Variants in NEK7 observed in about 807,000 individuals in gnomAD.
NEK7 encodes NIMA related kinase 7.
NEK7 carries 18 observed loss-of-function variants against 44.6 expected under a neutral mutation model. The observed-to-expected ratio is 0.40, with a 90% CI of 0.28 to 0.60. The LOEUF (loss-of-function observed/expected upper bound fraction) is 0.60, where lower values mean the gene tolerates loss of function less well. Among genes scored for constraint, NEK7 ranks in the 20% least tolerant of loss-of-function variants. The pLI, the probability that NEK7 is intolerant of heterozygous loss-of-function variation, is 0.38. For missense variants in NEK7, 256 were observed against 366.5 expected (o/e 0.70, Z 2.46); for synonymous variants, 130 against 121.1 (o/e 1.07, Z -0.48).
chr1:198,292,641 G>T (rs1330856585), intron 7 of NEK7, among the ~76,000 whole-genome samples: 1 of 151,860 alleles, frequency 6.6e-6, no homozygotes, highest in African/African-American at 2.4e-5. Flanking sequence ...AATCATTTAA[G>T]TAGGTATTCT....
intron 1 of NEK7, among the ~76,000 whole-genome samples, chr1:198,201,005 T>A (rs1665415999): frequency 6.6e-6 from 1 of 152,236 alleles, no homozygotes; most frequent in African/African-American, 2.4e-5. Flanking sequence ...CTGTGGAGAT[T>A]ATGTGTTTAT....
chr1:198,225,043 A>T (rs1448199816), intron 1 of NEK7, among the ~76,000 whole-genome samples: 1 of 152,016 alleles, frequency 6.6e-6, no homozygotes, highest in Non-Finnish European at 1.5e-5. Flanking sequence ...TAACAGTAGT[A>T]GTCAAGGTCA....
chr1:198,294,438 A>G (rs1479548364), intron 8 of NEK7, among the ~76,000 whole-genome samples: 1 of 152,040 alleles, frequency 6.6e-6, no homozygotes, highest in Non-Finnish European at 1.5e-5. Flanking sequence ...TTAACCTTAG[A>G]TTCCTTTAGG....
chr1:198,254,453 G>C (rs959684164), intron 3 of NEK7, among the ~76,000 whole-genome samples: 1 of 151,750 alleles, frequency 6.6e-6, no homozygotes, highest in Admixed American at 6.6e-5. Context: ...TGTATTACAC[G>C]CACACACACT....
chr1:198,273,397 A>G (rs1653915677), intron 5 of NEK7, among the ~76,000 whole-genome samples: 1 of 151,714 alleles, frequency 6.6e-6, no homozygotes, highest in Non-Finnish European at 1.5e-5. Context: ...TTGATACCTC[A>G]TTATGCCTTC....
At chr1:198,172,409 G>A (rs138864649) in intron 1 of NEK7, among the ~76,000 whole-genome samples, 5 of 152,298 alleles carry the variant, frequency 3.3e-5, no homozygotes, top group African/African-American at 1.2e-4. Context: ...AAAGAGCTCT[G>A]CTCTCTTCTT....
chr1:198,171,839 A>G (rs536489283), intron 1 of NEK7, among the ~76,000 whole-genome samples: 4 of 152,198 alleles, frequency 2.6e-5, no homozygotes, highest in South Asian at 2.1e-4. Context: ...TAACTCCCAC[A>G]TGCCGTAAGA....
intron 7 of NEK7, among the ~76,000 whole-genome samples, chr1:198,285,710 C>G (rs1464763689): frequency 6.6e-6 from 1 of 151,992 alleles, no homozygotes; most frequent in African/African-American, 2.4e-5. Context: ...AAATGTAATT[C>G]TCCTATTTGT....
At chr1:198,223,112 C>T (rs1378108029) in intron 1 of NEK7, among the ~76,000 whole-genome samples, 1 of 150,062 alleles carries the variant, frequency 6.7e-6, no homozygotes, top group African/African-American at 2.5e-5. Flanking sequence ...AGATTACTTA[C>T]AGAATTCTAC....
chr1:198,240,268 C>T lies in NEK7; in HGVS notation c.57+7631C>T, dbSNP rs140257292. 4.8e-3 allele frequency among the ~76,000 whole-genome samples: 728 copies of T among 152,164 alleles called. 8 individuals carry two copies. Among genetic ancestry groups the T allele is most frequent in the African/African-American group, 0.017 (700 of 41,516 alleles). On this transcript the variant is annotated intron_variant, in intron 2 of 9. Transcript: ENST00000367385. Reference sequence around the variant, plus strand: ...TAGATTCATCACACTTACATACTTACGAGTGAGAGTACCTCATATTTTAAG... The same window carrying T: ...TAGATTCATCACACTTACATACTTATGAGTGAGAGTACCTCATATTTTAAG...
chr1:198,168,313 T>G (rs1453579146), intron 1 of NEK7, among the ~76,000 whole-genome samples: 3 of 152,248 alleles, frequency 2.0e-5, no homozygotes, highest in Non-Finnish European at 2.9e-5. Flanking sequence ...GCTGTAATGA[T>G]GTACCAACGG....
At chr1:198,165,707 T>C (rs1238566029) in intron 1 of NEK7, among the ~76,000 whole-genome samples, 1 of 152,210 alleles carries the variant, frequency 6.6e-6, no homozygotes, top group African/African-American at 2.4e-5. Context: ...CAGGGGATGC[T>C]AAATGAGCAT....
rs1426874490 is a variant in NEK7, at chr1:198,320,357, T to C, written c.*835T>C. 2 of 152,306 alleles carry C rather than the reference T, an allele frequency of 1.3e-5. No homozygotes were observed. The highest frequency in any genetic ancestry group is 1.9e-4 in the East Asian group (1 of 5,190). 9.4% of individuals were successfully genotyped at this position (152,306 alleles called of 1,614,324 possible). On this transcript the variant is annotated 3_prime_UTR_variant, in exon 10 of 10. Coordinates refer to ENST00000367385, the MANE Select transcript of NEK7 (RefSeq NM_133494.3). ...TTCTTTGAATAACCTTGCAGTACTA[T>C]ATTTCAATTTCTTTATAAATTTAAG...
intron 9 of NEK7, among the ~76,000 whole-genome samples, chr1:198,301,465 G>A (rs1249879403): frequency 6.6e-6 from 1 of 152,246 alleles, no homozygotes; most frequent in South Asian, 2.1e-4. Context: ...CGGGAGAATG[G>A]CGTGAACCCA....
At chr1:198,176,589 C>CAT (rs3060408) in intron 1 of NEK7, among the ~76,000 whole-genome samples, 2 of 149,912 alleles carry the variant, frequency 1.3e-5, no homozygotes, top group African/African-American at 4.9e-5. Context: ...TTAGATTTAT[C>CAT]ATATATATAT....
chr1:198,313,764 G>GA (rs1655263453), intron 9 of NEK7, among the ~76,000 whole-genome samples: 1 of 104,594 alleles, frequency 9.6e-6, no homozygotes, highest in Non-Finnish European at 1.7e-5. Flanking sequence ...GTTGAATATT[G>GA]GCCCCACTCT....
At chr1:198,293,316 T>C (rs1654615044) in intron 8 of NEK7, among the ~76,000 whole-genome samples, 1 of 151,962 alleles carries the variant, frequency 6.6e-6, no homozygotes, top group Non-Finnish European at 1.5e-5. Context: ...TATCTTGCAT[T>C]TGTAAAAATA....
At chr1:198,273,579 A>G (rs760895209) in intron 5 of NEK7, among the ~76,000 whole-genome samples, 8 of 151,692 alleles carry the variant, frequency 5.3e-5, no homozygotes, top group Non-Finnish European at 8.9e-5. Context: ...TATAATTACA[A>G]TGCTGTGTTT....
In NEK7 at chr1:198,253,065, A is replaced by C; in HGVS notation, c.83A>C (p.Tyr28Ser). 6.2e-7 allele frequency: 1 copy of C among 1,612,582 alleles called. No individual in the cohort carries two copies. Among genetic ancestry groups the C allele is most frequent in the Non-Finnish European group, 8.5e-7 (1 of 1,178,988 alleles). ...PQKALRPDMG[Y>S]NTLANFRIEK... is the part of the protein sequence containing the mutation. Reference sequence around the variant, plus strand: ...AAGGCCTTACGACCGGATATGGGCTATAATACATTAGCCAACTTTCGAATA... The same window carrying C: ...AAGGCCTTACGACCGGATATGGGCTCTAATACATTAGCCAACTTTCGAATA... The change falls in exon 3 of 10, where the codon TAT becomes TCT. Residue 28 changes from tyrosine (Y) to serine (S), a missense_variant. This residue lies in a region of NEK7 where 96 missense variants were observed against 94.9 expected (regional missense o/e 1.01). Transcript: ENST00000367385.
Sources: gnomAD v4.1 joint callset for allele counts (sites outside exome capture counted in the v4.1 genomes callset) on GRCh38, gnomAD v4.1.1 for gene constraint, gnomAD v4.1.1 regional missense constraint, MANE v1.5 for transcripts, NCBI Gene and HGNC (gene_info 2026-07-23, HGNC 2026-07-21) for gene names.